The following SV2B variants were observed in gnomAD, a reference collection of about 807,000 sequenced individuals.
SV2B encodes solute carrier family 22 member B2.
SV2B carries 41 observed loss-of-function variants against 73.9 expected under a neutral mutation model. The observed-to-expected ratio is 0.56, with a 90% confidence interval of 0.43 to 0.72. The LOEUF (loss-of-function observed/expected upper bound fraction) is 0.72, where lower values mean the gene tolerates loss of function less well. Ranked by LOEUF, SV2B falls within the 30% of genes least tolerant of loss-of-function variation. SV2B has a pLI of 0.00. For missense variants in SV2B, 764 were observed against 857.8 expected (o/e 0.89, Z 1.37); for synonymous variants, 314 against 314.2 (o/e 1.00, Z 0.01).
rs1567437332 is a variant in SV2B at position 91,288,120 on chromosome 15, G to C, written c.1709-1401G>C. 6.6e-6 allele frequency among the ~76,000 whole-genome samples: 1 copy of C among 152,120 alleles called. No homozygotes were observed. The highest frequency in any genetic ancestry group is 1.5e-5 in the Non-Finnish European group (1 of 68,038). ...CAGAGGATAGCGCAGGGCTGAGAAG[G>C]GCAAGTCAGATCTCTGGGGTGGGGA... On this transcript the variant is annotated intron_variant, in intron 11 of 12. Coordinates refer to ENST00000394232, the MANE Select transcript of SV2B (RefSeq NM_001323032.3). This position sits in a 1 kb window ranked among gnomAD's most constrained non-coding sequence, Gnocchi z 5.8.
intron 9 of SV2B, among the ~76,000 whole-genome samples, chr15:91,271,803 A>G (rs547232471): frequency 4.0e-5 from 6 of 151,832 alleles, no homozygotes; most frequent in East Asian, 3.9e-4. Flanking sequence ...GAAAACCCCA[A>G]CCCTCTTCTG....
At chr15:91,202,622 TC>T (rs1224445575) in intron 1 of SV2B, among the ~76,000 whole-genome samples, 1 of 152,188 alleles carries the variant, frequency 6.6e-6, no homozygotes. Flanking sequence ...CTACCTGGGT[TC>T]CCTGGGAAGC....
chr15:91,135,945 C>G (rs1428316568), intron 1 of SV2B, among the ~76,000 whole-genome samples: 2 of 152,196 alleles, frequency 1.3e-5, no homozygotes, highest in Non-Finnish European at 2.9e-5. Context: ...TTAGCCTTCA[C>G]CTTGCAGGAG....
chr15:91,205,332 T>C (rs1442056820), intron 1 of SV2B, among the ~76,000 whole-genome samples: 2 of 151,610 alleles, frequency 1.3e-5, no homozygotes, highest in South Asian at 4.2e-4. Flanking sequence ...GGACCATTTA[T>C]CTAGGCAAAA....
At chr15:91,116,233 A>G (rs966323912) in intron 1 of SV2B, among the ~76,000 whole-genome samples, 1 of 152,028 alleles carries the variant, frequency 6.6e-6, no homozygotes, top group Non-Finnish European at 1.5e-5. Context: ...ACTGCCTGCT[A>G]CTCTGTTTTC....
At chr15:91,279,972 T>G (rs2048632737) in intron 9 of SV2B, among the ~76,000 whole-genome samples, 1 of 152,230 alleles carries the variant, frequency 6.6e-6, no homozygotes, top group Admixed American at 6.5e-5. Flanking sequence ...TTTCTCAAAA[T>G]AGTTTGGTTT....
chr15:91,255,492 T>G (rs2047653361), intron 4 of SV2B, among the ~76,000 whole-genome samples: 1 of 151,964 alleles, frequency 6.6e-6, no homozygotes, highest in African/African-American at 2.4e-5. Context: ...GGGGGTGAGG[T>G]ATAAAAGACT....
intron 1 of SV2B, among the ~76,000 whole-genome samples, chr15:91,161,328 A>C (rs2052326695): frequency 6.6e-6 from 1 of 152,224 alleles, no homozygotes; most frequent in Non-Finnish European, 1.5e-5. Context: ...ACTATTAAAA[A>C]TGTTGAATAA....
intron 11 of SV2B, among the ~76,000 whole-genome samples, chr15:91,285,982 A>G (rs2048848088): frequency 6.6e-6 from 1 of 152,190 alleles, no homozygotes; most frequent in South Asian, 2.1e-4. Context: ...TCCCAGATCA[A>G]AACAATTCCT....
At chr15:91,230,686 C>G (rs910139014) in intron 2 of SV2B, among the ~76,000 whole-genome samples, 1 of 152,214 alleles carries the variant, frequency 6.6e-6, no homozygotes, top group Admixed American at 6.5e-5. Context: ...GTTAATTAAA[C>G]TCTTCACCCA....
chr15:91,144,211 G>A (rs2043080480), intron 1 of SV2B, among the ~76,000 whole-genome samples: 2 of 152,192 alleles, frequency 1.3e-5, no homozygotes, highest in Admixed American at 1.3e-4. Context: ...ACTCCTGGCT[G>A]ATATATGTAC....
rs1409286143 is a variant in SV2B, at chr15:91,252,379, G to A, written c.643G>A (p.Ala215Thr). 5 of 1,611,136 alleles carry A rather than the reference G, an allele frequency of 3.1e-6. No homozygotes were observed. Among genetic ancestry groups the A allele is most frequent in the Non-Finnish European group, 4.2e-6 (5 of 1,178,674 alleles). Residue 215 changes from alanine (A) to threonine (T), a missense_variant, in exon 4 of 13, where the codon GCT becomes ACT. Physicochemically the swap from Ala to Thr is moderately conservative, Grantham distance 58. Transcript: ENST00000394232. The surrounding 1 kb of genome is among the most constrained non-coding windows in gnomAD (Gnocchi z 4.6). Reference sequence around the variant, plus strand: ...ATTTTTCCTTTGCAGTATTGGGGGTGCTCTACCGATTGTTTTTGCCTATTT... The same window carrying A: ...ATTTTTCCTTTGCAGTATTGGGGGTACTCTACCGATTGTTTTTGCCTATTT... ...RLISGIGIGG[A>T]LPIVFAYFSE...
rs1042743005 is a variant in SV2B at position 91,106,786 on chromosome 15, T to A, written c.-392+6423T>A. 1.3e-5 allele frequency among the ~76,000 whole-genome samples: 2 copies of A among 152,228 alleles called. No individual in the cohort carries two copies. Among genetic ancestry groups the A allele is most frequent in the African/African-American group, 4.8e-5 (2 of 41,450 alleles). Reference sequence around the variant, plus strand: ...AAGATGAGGCAGAAGCAAGGAAGAATCTTGAAAGGGGAGAATTTTATTTAA... The same window carrying A: ...AAGATGAGGCAGAAGCAAGGAAGAAACTTGAAAGGGGAGAATTTTATTTAA... On this transcript the variant is annotated intron_variant, in intron 1 of 12. Transcript: ENST00000394232. This position sits in a 1 kb window ranked among gnomAD's most constrained non-coding sequence, Gnocchi z 4.4.
intron 1 of SV2B, among the ~76,000 whole-genome samples, chr15:91,179,965 T>G (rs1285497343): frequency 2.6e-5 from 4 of 151,620 alleles, no homozygotes; most frequent in African/African-American, 9.7e-5. Context: ...TGCTCATTAG[T>G]TGATGCAGTT....
intron 1 of SV2B, among the ~76,000 whole-genome samples, chr15:91,166,143 GATAT>G (rs1436696288): frequency 2.0e-5 from 3 of 152,144 alleles, no homozygotes; most frequent in African/African-American, 4.8e-5. Flanking sequence ...TTTTGGGTTA[GATAT>G]TCTTTGTTGT....
rs143621106 is a variant in SV2B, at chr15:91,294,243, C to T, written c.*1691C>T. On this transcript the variant is annotated 3_prime_UTR_variant, in exon 13 of 13. Transcript: ENST00000394232. The surrounding 1 kb of genome is among the most constrained non-coding windows in gnomAD (Gnocchi z 4.1). ...AAATGCTTAGGTCCTATGATAGCTTCGGGACATCTTTCTGTAATTTTCCTC... is the reference window on the plus strand; with the variant it reads ...AAATGCTTAGGTCCTATGATAGCTTTGGGACATCTTTCTGTAATTTTCCTC... 2.6e-5 allele frequency: 4 copies of T among 152,296 alleles called. No homozygotes were observed. Among genetic ancestry groups the T allele is most frequent in the East Asian group, 1.9e-4 (1 of 5,186 alleles). The allele number at this position is 152,296 out of a possible 1,614,324, so 9.4% of individuals were successfully genotyped here. A position where few individuals can be genotyped will look rare whatever the true frequency, so the allele number is the denominator to read the frequency against.
chr15:91,121,637 A>G lies in SV2B; in HGVS notation c.-392+21274A>G, dbSNP rs1481942644. ...AGGGAAGAAAGCAGAGTTGGCTTAG[A>G]GATGAATGCAAATAAGATCTGAACA... On this transcript the variant is annotated intron_variant, in intron 1 of 12. Transcript: ENST00000394232. The surrounding 1 kb of genome is among the most constrained non-coding windows in gnomAD (Gnocchi z 4.4). 6.6e-6 allele frequency among the ~76,000 whole-genome samples: 1 copy of G among 152,188 alleles called. No individual in the cohort carries two copies.
At position 91,216,626 on chromosome 15, in the gene SV2B, C is replaced by T. The variant is rs141352007; in HGVS notation, c.-391-9247C>T. On this transcript the variant is annotated intron_variant, in intron 1 of 12. Transcript: ENST00000394232. The stretch of plus-strand genomic sequence containing the variant: ...TAGCTGAGACTACAGGCATGTGCCA[C>T]CACGCCCAGCTAATTTTTATTTTTA... Among the ~76,000 whole-genome samples, 886 of 151,928 alleles carry T rather than the reference C, an allele frequency of 5.8e-3. 11 individuals carry two copies. The highest frequency in any genetic ancestry group is 0.021 in the African/African-American group (852 of 41,420).
chr15:91,106,066 A>T lies in SV2B; in HGVS notation c.-392+5703A>T, dbSNP rs540575043. Among the ~76,000 whole-genome samples the T allele has an allele frequency of 6.6e-5, 10 of 152,292 alleles. No individual in the cohort carries two copies. In the East Asian group the frequency reaches 1.9e-3, roughly 29 times the overall value. Reference sequence around the variant, plus strand: ...TCATGTCAAAAATAAATAAAAATAAAAAAAGATGGTGAGAAGTGGCTAAAT... The same window carrying T: ...TCATGTCAAAAATAAATAAAAATAATAAAAGATGGTGAGAAGTGGCTAAAT... On this transcript the variant is annotated intron_variant, in intron 1 of 12. Transcript: ENST00000394232. The surrounding 1 kb of genome is among the most constrained non-coding windows in gnomAD (Gnocchi z 4.4).
Sources: gnomAD v4.1 joint callset for allele counts (sites outside exome capture counted in the v4.1 genomes callset) on GRCh38, gnomAD v4.1.1 for gene constraint, Gnocchi (gnomAD v3.1) non-coding constraint, MANE v1.5 for transcripts, NCBI Gene and HGNC (gene_info 2026-07-23, HGNC 2026-07-21) for gene names.